MICAL2: variants seen among roughly 807,000 people sequenced by gnomAD.
MICAL2 encodes the protein [F-actin]-monooxygenase MICAL2.
In MICAL2, 77 loss-of-function variants were observed where a neutral mutation model predicts 127.3. That is an observed-to-expected ratio of 0.60 (90% confidence interval 0.50 to 0.73). The LOEUF is 0.73. Among genes scored for constraint, MICAL2 ranks in the 30% least tolerant of loss-of-function variants. The pLI is 0.00. For synonymous variants in MICAL2, 570 were observed against 551.1 expected (o/e 1.03, Z -0.48); for missense variants, 1,351 against 1,434.4 (o/e 0.94, Z 0.94).
At chr11:12,340,956 G>C (rs1590745382) in intron 32 of MICAL2, among the ~76,000 whole-genome samples, 1 of 152,260 alleles carries the variant, frequency 6.6e-6, no homozygotes, top group South Asian at 2.1e-4. Flanking sequence ...CTAGCTACTA[G>C]CATCTTGGGC....
intron 2 of MICAL2, among the ~76,000 whole-genome samples, chr11:12,141,244 C>T (rs1197559608): frequency 6.6e-6 from 1 of 152,174 alleles, no homozygotes; most frequent in Non-Finnish European, 1.5e-5. Flanking sequence ...TGACTGTCCA[C>T]AGCTTAGCTA....
At chr11:12,226,746 G>A (rs1309449980) in intron 14 of MICAL2, among the ~76,000 whole-genome samples, 1 of 148,532 alleles carries the variant, frequency 6.7e-6, no homozygotes, top group Non-Finnish European at 1.5e-5. Context: ...TCTGCCTCCT[G>A]GGTTCACGCC....
chr11:12,237,503 G>T (rs1859248619), intron 16 of MICAL2, among the ~76,000 whole-genome samples: 1 of 152,138 alleles, frequency 6.6e-6, no homozygotes, highest in East Asian at 1.9e-4. Flanking sequence ...CTTCCCTTGG[G>T]TACACTTTGT....
At chr11:12,317,898 A>C (rs1419088893) in intron 29 of MICAL2, among the ~76,000 whole-genome samples, 2 of 152,246 alleles carry the variant, frequency 1.3e-5, no homozygotes, top group Non-Finnish European at 2.9e-5. Flanking sequence ...AGTGTAAGAA[A>C]TGCCTTATCT....
intron 32 of MICAL2, among the ~76,000 whole-genome samples, chr11:12,339,794 C>T (rs866139569): frequency 5.9e-5 from 9 of 152,256 alleles, no homozygotes; most frequent in African/African-American, 1.9e-4. Context: ...GCTGCCTGAT[C>T]GTTCCTTTGG....
intron 29 of MICAL2, among the ~76,000 whole-genome samples, chr11:12,310,430 A>T (rs1864160323): frequency 6.6e-6 from 1 of 152,168 alleles, no homozygotes; most frequent in Non-Finnish European, 1.5e-5. Context: ...TATTTAAGAA[A>T]CTATCCATTC....
intron 34 of MICAL2, among the ~76,000 whole-genome samples, chr11:12,357,872 T>C (rs1483573699): frequency 1.3e-5 from 2 of 152,106 alleles, no homozygotes; most frequent in Non-Finnish European, 2.9e-5. Context: ...ATTGTGGTCA[T>C]TGAAACAGTA....
chr11:12,292,402 C>T, downstream of MICAL2: 1 of 1,293,652 alleles, frequency 7.7e-7, no homozygotes, highest in East Asian at 2.3e-5. Flanking sequence ...ATAGGTCAAC[C>T]TAAGTGCAAA....
chr11:12,117,335 C>T (rs377650392), intron 1 of MICAL2, among the ~76,000 whole-genome samples: 5 of 152,190 alleles, frequency 3.3e-5, no homozygotes, highest in East Asian at 1.9e-4. Flanking sequence ...AAGGTCTTGA[C>T]GCACACAGCC....
chr11:12,231,878 G>A (rs1002023086), intron 15 of MICAL2, among the ~76,000 whole-genome samples: 8 of 152,180 alleles, frequency 5.3e-5, no homozygotes, highest in South Asian at 2.1e-4. Context: ...TTTCCTCAGC[G>A]CAATCTCAGT....
chr11:12,330,432 G>C (rs1431580072), intron 32 of MICAL2, among the ~76,000 whole-genome samples: 3 of 152,156 alleles, frequency 2.0e-5, no homozygotes, highest in Non-Finnish European at 2.9e-5. Flanking sequence ...TTTAGAGACA[G>C]ACCTGAAAAC....
intron 8 of MICAL2, among the ~76,000 whole-genome samples, chr11:12,218,189 C>T (rs1383425648): frequency 6.6e-6 from 1 of 152,234 alleles, no homozygotes; most frequent in Non-Finnish European, 1.5e-5. Context: ...CTTCAAGCAG[C>T]CGTGCCTCTG....
intron 15 of MICAL2, 103 bp downstream of exon 15, chr11:12,227,234 A>G (rs1386308799): frequency 8.5e-6 from 7 of 822,776 alleles, no homozygotes; most frequent in East Asian, 2.7e-5. Context: ...AGTAAGTTAC[A>G]TGGATCAGGC....
Position 12,138,374 on chromosome 11 carries a change from G to T in MICAL2, c.-148-16G>T, listed in dbSNP as rs1852021672. 1 of 152,238 alleles carries T rather than the reference G, an allele frequency of 6.6e-6. No homozygotes were observed. Among genetic ancestry groups the T allele is most frequent in the African/African-American group, 2.4e-5 (1 of 41,458 alleles). The allele number at this position is 152,238 out of a possible 1,614,324, so 9.4% of individuals were successfully genotyped here. On this transcript the variant is annotated splice_polypyrimidine_tract_variant and intron_variant, in intron 1 of 27. Coordinates refer to ENST00000683283, the MANE Select transcript of MICAL2 (RefSeq NM_001282663.2). ...TGATGTCACTGACATTAATTGTTGG[G>T]CTCTTGTTTTTAAAGGAACATGGCA...
At chr11:12,217,954 C>T (rs1856390169) in intron 8 of MICAL2, among the ~76,000 whole-genome samples, 2 of 152,182 alleles carry the variant, frequency 1.3e-5, no homozygotes, top group Admixed American at 6.5e-5. Context: ...TTCCCTGAGC[C>T]GCTTAAATTT....
In MICAL2 at chr11:12,241,069, G is replaced by T. The variant is rs768429993; in HGVS notation, c.2244G>T (p.Pro748=). The change falls in exon 18 of 28, where the codon CCG becomes CCT. Residue 748 remains proline (P), a synonymous_variant. Transcript: ENST00000683283. The part of the protein sequence containing the change: ...QERRVSGIGK[P]VLCSSSGPPV... ...GCCGTGTCTCAGGGATAGGTAAGCCGGTCCTGTGCTCTTCCTCCGGCCCTC... is the reference window on the plus strand; with the variant it reads ...GCCGTGTCTCAGGGATAGGTAAGCCTGTCCTGTGCTCTTCCTCCGGCCCTC... The T allele has an allele frequency of 1.2e-6, 2 of 1,614,068 alleles. No individual in the cohort carries two copies. The highest frequency in any genetic ancestry group is 1.7e-6 in the Non-Finnish European group (2 of 1,179,994).
At chr11:12,323,394 C>A (rs1343227216) in intron 30 of MICAL2, among the ~76,000 whole-genome samples, 3 of 152,098 alleles carry the variant, frequency 2.0e-5, no homozygotes, top group Non-Finnish European at 4.4e-5. Flanking sequence ...TAGACTCAAC[C>A]TAAGCACTAT....
At chr11:12,349,968 C>T (rs1314800942) in intron 33 of MICAL2, 1 of 1,595,740 alleles carries the variant, frequency 6.3e-7, no homozygotes, top group Admixed American at 1.7e-5. Flanking sequence ...ACCAGCGAGT[C>T]CTAAAAGCAA....
chr11:12,301,859 G>A (rs1590729092), intron 29 of MICAL2, among the ~76,000 whole-genome samples: 1 of 152,286 alleles, frequency 6.6e-6, no homozygotes, highest in East Asian at 1.9e-4. Flanking sequence ...CAAAGGAATG[G>A]CTTATCAGGT....
Sources: gnomAD v4.1 joint callset for allele counts (sites outside exome capture counted in the v4.1 genomes callset) on GRCh38, gnomAD v4.1.1 for gene constraint, MANE v1.5 for transcripts, NCBI Gene and HGNC (gene_info 2026-07-23, HGNC 2026-07-21) for gene names.